KCNMA1: variants seen among roughly 807,000 people sequenced by gnomAD.
KCNMA1 encodes Calcium-activated potassium channel subunit alpha-1.
In KCNMA1, 29 loss-of-function variants were observed where a neutral mutation model predicts 140.0. That is an observed-to-expected ratio of 0.21 (90% CI 0.15 to 0.28). KCNMA1 has a LOEUF of 0.28. Ranked by LOEUF, KCNMA1 falls within the 10% of genes least tolerant of loss-of-function variation. KCNMA1 has a pLI of 1.00. For synonymous variants in KCNMA1, 612 were observed against 611.9 expected, an observed-to-expected ratio of 1.00 and a Z score of 0.00; for missense variants, 880 against 1,602.2, an observed-to-expected ratio of 0.55 and a Z score of 7.70.
intron 16 of KCNMA1, among the ~76,000 whole-genome samples, chr10:77,025,281 T>TATATATATATATATACAC (rs1394239548): frequency 8.2e-6 from 1 of 122,332 alleles, no homozygotes; most frequent in Non-Finnish European, 1.7e-5. Context: ...TATATATATA[T>TATATATATATATATACAC]ACACACACAC....
chr10:77,020,363 C>T (rs577783126), intron 16 of KCNMA1: 1 of 152,260 alleles, frequency 6.6e-6, no homozygotes, highest in South Asian at 2.1e-4. Context: ...CCGAGCAGAT[C>T]ATTATTGCAA....
intron 1 of KCNMA1, among the ~76,000 whole-genome samples, chr10:77,532,243 C>T (rs541695057): frequency 6.6e-6 from 1 of 152,224 alleles, no homozygotes; most frequent in Non-Finnish European, 1.5e-5. Flanking sequence ...AATATGCCAA[C>T]TGCAGGAGGA....
intron 1 of KCNMA1, among the ~76,000 whole-genome samples, chr10:77,477,822 A>G (rs2098310064): frequency 6.6e-6 from 1 of 152,238 alleles, no homozygotes; most frequent in Admixed American, 6.5e-5. Context: ...AGCCTAAGAC[A>G]TATGCCCAGC....
At position 76,966,908 on chromosome 10, in the gene KCNMA1, A is replaced by C. The variant is rs1035327276; in HGVS notation, c.2360+3066T>G. 5.3e-5 allele frequency among the ~76,000 whole-genome samples: 8 copies of C among 152,316 alleles called. No individual in the cohort carries two copies. In the South Asian group the frequency reaches 1.7e-3, roughly 32 times the overall value. ...TTTTCTGTTGAGGTGACTCAAAAAC[A>C]TACTACCTCAGGATCCAGATATACA... On this transcript the variant is annotated intron_variant, in intron 20 of 27. Coordinates refer to ENST00000286628, the MANE Select transcript of KCNMA1 (RefSeq NM_001161352.2).
At chr10:76,949,961 T>C (rs1452506800) in intron 21 of KCNMA1, among the ~76,000 whole-genome samples, 1 of 152,138 alleles carries the variant, frequency 6.6e-6, no homozygotes, top group Non-Finnish European at 1.5e-5. Flanking sequence ...TTCTTTTGTA[T>C]GTTCAGTGAG....
At chr10:77,558,516 A>G (rs2065309676) in intron 1 of KCNMA1, among the ~76,000 whole-genome samples, 1 of 152,156 alleles carries the variant, frequency 6.6e-6, no homozygotes, top group Non-Finnish European at 1.5e-5. Flanking sequence ...TGTTCCAGGG[A>G]AAAAGACCAC....
chr10:77,606,924 GC>G (rs2084775771), intron 1 of KCNMA1, among the ~76,000 whole-genome samples: 1 of 152,184 alleles, frequency 6.6e-6, no homozygotes, highest in South Asian at 2.1e-4. Context: ...TCTGCAGCCA[GC>G]CCTTGGTAGT....
chr10:77,582,693 A>C (rs1046145501), intron 1 of KCNMA1, among the ~76,000 whole-genome samples: 1 of 152,220 alleles, frequency 6.6e-6, no homozygotes, highest in Non-Finnish European at 1.5e-5. Context: ...GACCAACTGC[A>C]AGGAAGTGCC....
At chr10:77,350,466 T>A (rs944735649) in intron 2 of KCNMA1, 1 of 152,114 alleles carries the variant, frequency 6.6e-6, no homozygotes, top group Non-Finnish European at 1.5e-5. Context: ...GAGTTCAGAA[T>A]AGGCTAAAAA....
chr10:77,069,534 G>GA (rs1402712366), intron 14 of KCNMA1, among the ~76,000 whole-genome samples: 2 of 151,770 alleles, frequency 1.3e-5, no homozygotes, highest in African/African-American at 2.4e-5. Flanking sequence ...CAAATAGCCA[G>GA]AAAAAAAATA....
chr10:77,302,332 G>C (rs1029760367), intron 2 of KCNMA1, among the ~76,000 whole-genome samples: 32 of 152,074 alleles, frequency 2.1e-4, no homozygotes, highest in Admixed American at 1.5e-3. Context: ...CCCCCATACT[G>C]CTCCTTAAGC....
chr10:77,368,008 T>C (rs947445008), intron 2 of KCNMA1, among the ~76,000 whole-genome samples: 1 of 152,256 alleles, frequency 6.6e-6, no homozygotes, highest in Non-Finnish European at 1.5e-5. Flanking sequence ...AACATGTATA[T>C]GAATGTTTTT....
intron 1 of KCNMA1, among the ~76,000 whole-genome samples, chr10:77,545,340 C>T (rs538014497): frequency 6.5e-4 from 99 of 152,266 alleles, no homozygotes; most frequent in South Asian, 5.0e-3. Flanking sequence ...AATGAGTTTC[C>T]ACTCCCCTAA....
intron 2 of KCNMA1, among the ~76,000 whole-genome samples, chr10:77,308,820 G>C (rs1265018913): frequency 1.3e-5 from 2 of 152,192 alleles, no homozygotes; most frequent in Non-Finnish European, 2.9e-5. Context: ...CCCAGCTACA[G>C]TTATCTTTGA....
chr10:77,520,209 G>C (rs1253466787), intron 1 of KCNMA1, among the ~76,000 whole-genome samples: 1 of 151,948 alleles, frequency 6.6e-6, no homozygotes, highest in African/African-American at 2.4e-5. Context: ...TGCAGTGTGA[G>C]GTCTGGGGTA....
chr10:77,224,297 T>C (rs574348638), intron 3 of KCNMA1, among the ~76,000 whole-genome samples: 1 of 152,340 alleles, frequency 6.6e-6, no homozygotes, highest in Non-Finnish European at 1.5e-5. Context: ...CTGAACAGTT[T>C]CTAAAAAACT....
At chr10:77,635,907 C>T (rs1290884579) in intron 1 of KCNMA1, 1 of 158,970 alleles carries the variant, frequency 6.3e-6, no homozygotes, top group Non-Finnish European at 1.4e-5. Context: ...AATTAATGAT[C>T]AGGAGAGACA....
intron 1 of KCNMA1, among the ~76,000 whole-genome samples, chr10:77,477,562 C>T (rs58158227): frequency 0.017 from 2,523 of 152,282 alleles, 40 homozygotes; most frequent in Middle Eastern, 0.044. Context: ...CCTGAAGTTG[C>T]ATCTTGGCTT....
rs544473626 is a variant in KCNMA1, at chr10:77,442,458, C to A, written c.379-38435G>T. 2.0e-5 allele frequency among the ~76,000 whole-genome samples: 3 copies of A among 152,284 alleles called. No individual in the cohort carries two copies. In the East Asian group the frequency reaches 5.8e-4, roughly 29 times the overall value. ...CCCTACCCCTAATCTTAGCAGGGAC[C>A]TGGCATGGAAGTCAGATGAGCCTGG... On this transcript the variant is annotated intron_variant, in intron 1 of 27. Coordinates refer to ENST00000286628, the MANE Select transcript of KCNMA1 (RefSeq NM_001161352.2).
Sources: allele counts gnomAD v4.1 joint callset (sites outside exome capture counted in the v4.1 genomes callset), GRCh38; gene constraint gnomAD v4.1.1; transcripts MANE v1.5; gene names NCBI Gene and HGNC (gene_info 2026-07-23, HGNC 2026-07-21).